ZNRF1: variants seen among roughly 807,000 people sequenced by gnomAD.
ZNRF1 encodes zinc and ring finger 1.
Under a neutral mutation model 18.4 loss-of-function variants are expected in ZNRF1, and 3 were observed. The ratio of observed to expected loss-of-function variants is 0.16; its 90% CI spans 0.07 to 0.42. ZNRF1 has a LOEUF of 0.42. Among genes scored for constraint, ZNRF1 ranks in the 10% least tolerant of loss-of-function variants. ZNRF1 has a pLI of 0.99. For missense variants in ZNRF1, 310 were observed against 329.8 expected, an observed-to-expected ratio of 0.94 and a Z score of 0.47; for synonymous variants, 157 against 144.2, an observed-to-expected ratio of 1.09 and a Z score of -0.64.
At chr16:75,026,752 G>A (rs1597865655) in intron 1 of ZNRF1, among the ~76,000 whole-genome samples, 1 of 151,930 alleles carries the variant, frequency 6.6e-6, no homozygotes, top group East Asian at 1.9e-4. Flanking sequence ...CCTGGCCAAC[G>A]TGGTGAAACC....
chr16:75,048,571 G>T (rs541007978), intron 1 of ZNRF1, among the ~76,000 whole-genome samples: 1 of 152,146 alleles, frequency 6.6e-6, no homozygotes, highest in Non-Finnish European at 1.5e-5. Context: ...GTTGATGTGG[G>T]TTTCTAGATA....
At chr16:75,000,451 C>G (rs1007043854) in intron 1 of ZNRF1, 14 of 438,446 alleles carry the variant, frequency 3.2e-5, no homozygotes, top group Non-Finnish European at 5.8e-5. Context: ...AGCACTGTGC[C>G]TGCCTCACCG....
chr16:75,009,570 A>C (rs2034968022), intron 1 of ZNRF1, among the ~76,000 whole-genome samples: 1 of 152,170 alleles, frequency 6.6e-6, no homozygotes, highest in Non-Finnish European at 1.5e-5. Context: ...AGCTATTGTA[A>C]ATAGCTGTAA....
chr16:75,024,101 C>A (rs1347731042), intron 1 of ZNRF1, among the ~76,000 whole-genome samples: 8 of 152,068 alleles, frequency 5.3e-5, no homozygotes, highest in African/African-American at 1.9e-4. Context: ...AACTCCTGAC[C>A]TCAGGTGATC....
chr16:75,028,188 G>C (rs1262809408), intron 1 of ZNRF1, among the ~76,000 whole-genome samples: 2 of 152,144 alleles, frequency 1.3e-5, no homozygotes, highest in Non-Finnish European at 2.9e-5. Flanking sequence ...ATTCCTATTG[G>C]CATACTAACT....
At chr16:75,057,311 G>A (rs1489858830) in intron 1 of ZNRF1, among the ~76,000 whole-genome samples, 4 of 152,304 alleles carry the variant, frequency 2.6e-5, no homozygotes, top group South Asian at 4.1e-4. Context: ...GATGGTGACA[G>A]TTTTGTTTTC....
chr16:75,004,785 A>T (rs2034897083), intron 1 of ZNRF1, among the ~76,000 whole-genome samples: 1 of 151,944 alleles, frequency 6.6e-6, no homozygotes, highest in South Asian at 2.1e-4. Flanking sequence ...GCTAAATTTT[A>T]TACAATCTTT....
At chr16:75,036,716 G>C (rs2035380482) in intron 1 of ZNRF1, among the ~76,000 whole-genome samples, 1 of 151,676 alleles carries the variant, frequency 6.6e-6, no homozygotes, top group South Asian at 2.1e-4. Context: ...TGTTTAAAAG[G>C]GATACTAATA....
chr16:75,094,242 C>T (rs1036591607), intron 2 of ZNRF1, among the ~76,000 whole-genome samples: 1 of 152,162 alleles, frequency 6.6e-6, no homozygotes, highest in Non-Finnish European at 1.5e-5. Context: ...ATTGAAAATG[C>T]GGATAGGACA....
intron 3 of ZNRF1, chr16:75,105,964 G>T: frequency 6.5e-6 from 1 of 154,536 alleles, no homozygotes; most frequent in Admixed American, 6.3e-5. Context: ...GCCGGGTAGA[G>T]CTTGGGGCTC....
chr16:75,000,785 CT>C (rs535206165), intron 1 of ZNRF1, among the ~76,000 whole-genome samples: 1 of 152,294 alleles, frequency 6.6e-6, no homozygotes, highest in African/African-American at 2.4e-5. Context: ...CTCCCTCCAT[CT>C]TTTTTTCTTC....
intron 1 of ZNRF1, among the ~76,000 whole-genome samples, chr16:75,024,836 C>G (rs964907663): frequency 2.6e-5 from 4 of 152,144 alleles, no homozygotes; most frequent in African/African-American, 9.7e-5. Flanking sequence ...CAAAAATAAT[C>G]AGAATATTCA....
chr16:75,060,016 C>T (rs2035722063), intron 1 of ZNRF1, among the ~76,000 whole-genome samples: 2 of 151,998 alleles, frequency 1.3e-5, no homozygotes, highest in African/African-American at 2.4e-5. Context: ...CCCAGGAGCA[C>T]TTGGACTTGC....
intron 1 of ZNRF1, among the ~76,000 whole-genome samples, chr16:75,087,302 G>A (rs1484026911): frequency 1.3e-5 from 2 of 152,184 alleles, no homozygotes; most frequent in African/African-American, 4.8e-5. Flanking sequence ...TTACCCTGAT[G>A]TTGTGAGTGT....
chr16:75,062,306 C>G (rs967137412), intron 1 of ZNRF1, among the ~76,000 whole-genome samples: 7 of 152,198 alleles, frequency 4.6e-5, no homozygotes, highest in Non-Finnish European at 7.3e-5. Context: ...AGCAGAGGCC[C>G]GTGACCATCA....
At chr16:75,050,412 G>C (rs2145372359) in intron 1 of ZNRF1, among the ~76,000 whole-genome samples, 1 of 152,230 alleles carries the variant, frequency 6.6e-6, no homozygotes, top group East Asian at 1.9e-4. Flanking sequence ...TGTAGTCCCA[G>C]CTACTTGGGA....
intron 1 of ZNRF1, among the ~76,000 whole-genome samples, chr16:75,034,041 C>T (rs551929413): frequency 6.6e-6 from 1 of 151,938 alleles, no homozygotes; most frequent in Non-Finnish European, 1.5e-5. Flanking sequence ...ACCTGTAGTC[C>T]CAGCTACTTG....
intron 1 of ZNRF1, among the ~76,000 whole-genome samples, chr16:75,034,965 A>G (rs2035358085): frequency 6.6e-6 from 1 of 151,950 alleles, no homozygotes; most frequent in Non-Finnish European, 1.5e-5. Context: ...CCAGAAGTGA[A>G]ATTGCTGGAT....
intron 1 of ZNRF1, among the ~76,000 whole-genome samples, chr16:75,016,218 C>A (rs757944591): frequency 1.3e-5 from 2 of 151,650 alleles, no homozygotes; most frequent in Admixed American, 1.3e-4. Flanking sequence ...CCACCGCGCC[C>A]GGCCGCTAAT....
Sources: allele counts gnomAD v4.1 joint callset (sites outside exome capture counted in the v4.1 genomes callset), GRCh38; gene constraint gnomAD v4.1.1; transcripts MANE v1.5; gene names NCBI Gene and HGNC (gene_info 2026-07-23, HGNC 2026-07-21).